Variants in TRPS1 observed in about 807,000 individuals in gnomAD.
The protein encoded by TRPS1 is transcriptional repressor GATA binding 1, also known as zinc finger transcription factor Trps1.
Under a neutral mutation model 101.2 loss-of-function variants are expected in TRPS1, and 6 were observed. The ratio of observed to expected loss-of-function variants is 0.06; its 90% CI spans 0.03 to 0.12. TRPS1 has a LOEUF of 0.12. Ranked by LOEUF, TRPS1 falls within the 10% of genes least tolerant of loss-of-function variation. The pLI is 1.00. For missense variants in TRPS1, 1,363 were observed against 1,567.0 expected (o/e 0.87, Z 2.20); for synonymous variants, 578 against 589.8 (o/e 0.98, Z 0.29).
chr8:115,563,338 G>C (rs994704498), intron 5 of TRPS1, among the ~76,000 whole-genome samples: 3 of 151,894 alleles, frequency 2.0e-5, no homozygotes, highest in Non-Finnish European at 4.4e-5. Context: ...AACCAACCTG[G>C]TCCAGCAGGA....
At chr8:115,451,514 C>T (rs1379897515) in intron 5 of TRPS1, among the ~76,000 whole-genome samples, 6 of 152,144 alleles carry the variant, frequency 3.9e-5, no homozygotes, top group African/African-American at 9.7e-5. Flanking sequence ...CAACCCCTTT[C>T]GCCAATAAAC....
intron 5 of TRPS1, among the ~76,000 whole-genome samples, chr8:115,506,727 T>C (rs962654580): frequency 2.6e-5 from 4 of 152,108 alleles, no homozygotes; most frequent in Non-Finnish European, 5.9e-5. Flanking sequence ...CTAGTGTTCA[T>C]ACAACACAGG....
intron 5 of TRPS1, among the ~76,000 whole-genome samples, chr8:115,574,020 T>C (rs1817264470): frequency 6.6e-6 from 1 of 152,184 alleles, no homozygotes; most frequent in Non-Finnish European, 1.5e-5. Context: ...CTTCACCTCT[T>C]TTATGGAAGT....
At chr8:115,637,298 C>G (rs935445738) in intron 1 of TRPS1, 12 of 985,168 alleles carry the variant, frequency 1.2e-5, no homozygotes, top group Non-Finnish European at 2.4e-6. Context: ...GAGGCTGGAC[C>G]ACTTGGAGAA....
rs1255483146 is a variant in TRPS1 at position 115,515,199 on chromosome 8, A to G, written c.2700+71802T>C. The G allele has an allele frequency of 1.6e-5, 11 of 694,370 alleles. No individual in the cohort carries two copies. The East Asian group carries it at 2.4e-4, about 15-fold the overall frequency. 43.0% of individuals were successfully genotyped at this position (694,370 alleles called of 1,614,324 possible). On this transcript the variant is annotated intron_variant, in intron 5 of 6. Coordinates refer to ENST00000395715, the MANE Select transcript of TRPS1 (RefSeq NM_014112.5). Reference sequence around the variant, plus strand: ...GTTACTCTCCATTATCTAAATATTAATAAGATCTTCATGGAAGCAATGGAG... The same window carrying G: ...GTTACTCTCCATTATCTAAATATTAGTAAGATCTTCATGGAAGCAATGGAG...
At chr8:115,466,017 C>T (rs1814309280) in intron 5 of TRPS1, among the ~76,000 whole-genome samples, 1 of 152,138 alleles carries the variant, frequency 6.6e-6, no homozygotes, top group Admixed American at 6.6e-5. Context: ...GTAGCTCAAA[C>T]TCTGCTTGTG....
chr8:115,651,985 T>C (rs375839156), intron 1 of TRPS1, among the ~76,000 whole-genome samples: 6 of 152,242 alleles, frequency 3.9e-5, no homozygotes, highest in South Asian at 4.1e-4. Context: ...GCCACTGATA[T>C]GGGAACTCAG....
intron 5 of TRPS1, among the ~76,000 whole-genome samples, chr8:115,473,662 G>T (rs1356933798): frequency 6.6e-6 from 1 of 152,158 alleles, no homozygotes; most frequent in Non-Finnish European, 1.5e-5. Flanking sequence ...TTTCACTTGT[G>T]TTGACCAAAT....
intron 5 of TRPS1, among the ~76,000 whole-genome samples, chr8:115,585,019 A>T (rs2130437914): frequency 6.6e-6 from 1 of 152,286 alleles, no homozygotes; most frequent in African/African-American, 2.4e-5. Flanking sequence ...GTATTTGTAT[A>T]TATTAATGTA....
chr8:115,619,247 A>G lies in TRPS1; in HGVS notation c.851T>C (p.Val284Ala), dbSNP rs752721513. ...GAAGTCTTTGGAATGGCTGAACTGC[A>G]CCATGTTATGAAGGGCCAAGATTTT... ...DSKILALHNMVQFSHSKDFQK... is the reference protein window; with the variant it reads ...DSKILALHNMAQFSHSKDFQK... The change falls in exon 3 of 7, where the codon GTG (valine) becomes GCG (alanine). Residue 284 changes from valine to alanine, a missense_variant. Around this residue, in one of 5 missense-constraint regions of TRPS1, gnomAD observed 1,020 missense variants for 1,073.0 expected, o/e 0.95. Coordinates refer to ENST00000395715, the MANE Select transcript of TRPS1 (RefSeq NM_014112.5). 6.2e-7 allele frequency: 1 copy of G among 1,613,970 alleles called. No homozygotes were observed. Among genetic ancestry groups the G allele is most frequent in the Admixed American group, 1.7e-5 (1 of 60,004 alleles).
Position 115,450,841 on chromosome 8 carries a change from T to C in TRPS1, c.2701-32389A>G, listed in dbSNP as rs182156967. ...GTGTTCACACCTTACAAAAATTTCA[T>C]AGATCCATAATGCATCCTTTTGGGA... On this transcript the variant is annotated intron_variant, in intron 5 of 6. Coordinates refer to ENST00000395715, the MANE Select transcript of TRPS1 (RefSeq NM_014112.5). 9.5e-3 allele frequency among the ~76,000 whole-genome samples: 1,440 copies of C among 152,276 alleles called. 24 individuals are homozygous for C. The highest frequency in any genetic ancestry group is 0.033 in the African/African-American group (1,372 of 41,524).
At chr8:115,521,185 G>T (rs908404250) in intron 5 of TRPS1, among the ~76,000 whole-genome samples, 1 of 151,718 alleles carries the variant, frequency 6.6e-6, no homozygotes, top group East Asian at 1.9e-4. Context: ...CTACTTGTTT[G>T]GTTCTTCTTC....
Position 115,414,730 on chromosome 8 carries a change from C to T in TRPS1, c.3178G>A (p.Gly1060Arg), listed in dbSNP as rs771834548. 6.2e-7 allele frequency: 1 copy of T among 1,614,044 alleles called. No individual in the cohort carries two copies. The highest frequency in any genetic ancestry group is 8.5e-7 in the Non-Finnish European group (1 of 1,179,950). ...IQIKSPQEST[G>R]DPGNSSSVSE... The stretch of plus-strand genomic sequence containing the variant: ...ACGGATGAACTATTTCCTGGATCTC[C>T]AGTACTTTCCTGAGGACTTTTTATC... The change falls in exon 7 of 7, where the codon GGA becomes AGA. Residue 1060 changes from glycine to arginine, a missense_variant. This residue lies in a region of TRPS1 where 307 missense variants were observed against 392.4 expected (regional missense o/e 0.78). Transcript: ENST00000395715. This position sits in a 1 kb window ranked among gnomAD's most constrained non-coding sequence, Gnocchi z 4.8.
chr8:115,513,540 A>C (rs1815634825), intron 5 of TRPS1, among the ~76,000 whole-genome samples: 1 of 151,636 alleles, frequency 6.6e-6, no homozygotes, highest in African/African-American at 2.4e-5. Flanking sequence ...GGGTTAATAA[A>C]TTATGGTTCC....
At chr8:115,645,139 A>G (rs1818995440) in intron 1 of TRPS1, among the ~76,000 whole-genome samples, 1 of 152,246 alleles carries the variant, frequency 6.6e-6, no homozygotes, top group Non-Finnish European at 1.5e-5. Context: ...CAGGGTTGCC[A>G]CAAATCTTTA....
chr8:115,470,059 T>C (rs1172679659), intron 5 of TRPS1, among the ~76,000 whole-genome samples: 1 of 152,218 alleles, frequency 6.6e-6, no homozygotes, highest in Non-Finnish European at 1.5e-5. Context: ...AAGGACAATG[T>C]CTTTTTACTC....
intron 5 of TRPS1, among the ~76,000 whole-genome samples, chr8:115,472,871 T>A (rs1452190875): frequency 2.0e-5 from 3 of 152,058 alleles, no homozygotes; most frequent in African/African-American, 7.2e-5. Flanking sequence ...ACAGCAAGAG[T>A]CACCCTTATT....
chr8:115,442,800 A>T (rs369140131), intron 5 of TRPS1, among the ~76,000 whole-genome samples: 3 of 146,124 alleles, frequency 2.1e-5, no homozygotes, highest in Non-Finnish European at 3.0e-5. Flanking sequence ...TGTCTCTACT[A>T]AAAAAAAAAG....
At chr8:115,639,120 G>C (rs1818837109) in intron 1 of TRPS1, among the ~76,000 whole-genome samples, 4 of 152,132 alleles carry the variant, frequency 2.6e-5, no homozygotes, top group Non-Finnish European at 5.9e-5. Context: ...CTAGAGTGCA[G>C]TGGCATGATC....
Sources: gnomAD v4.1 joint callset for allele counts (sites outside exome capture counted in the v4.1 genomes callset) on GRCh38, gnomAD v4.1.1 for gene constraint, gnomAD v4.1.1 regional missense constraint, Gnocchi (gnomAD v3.1) non-coding constraint, MANE v1.5 for transcripts, NCBI Gene and HGNC (gene_info 2026-07-23, HGNC 2026-07-21) for gene names.